The following E2F8 variants were observed in gnomAD, a reference collection of about 807,000 sequenced individuals.
E2F8 encodes the protein transcription factor E2F8.
In E2F8, 35 loss-of-function variants were observed where a neutral mutation model predicts 80.8. The ratio of observed to expected loss-of-function variants is 0.43; its 90% CI spans 0.33 to 0.57. The LOEUF is 0.57. Ranked by LOEUF, E2F8 falls within the 20% of genes least tolerant of loss-of-function variation. The probability of loss-of-function intolerance (pLI) is 0.04; values close to 1 mark genes in which losing one functional copy is unlikely to be tolerated. For synonymous variants in E2F8, 386 were observed against 395.0 expected, an observed-to-expected ratio of 0.98 and a Z score of 0.27; for missense variants, 975 against 1,056.2, an observed-to-expected ratio of 0.92 and a Z score of 1.07.
chr11:19,239,965 G>T (rs1305133714), intron 2 of E2F8, 142 bp downstream of exon 2: 8 of 455,462 alleles, frequency 1.8e-5, no homozygotes, highest in Non-Finnish European at 3.1e-5. Context: ...ATAAGATAAG[G>T]TTCATTTTTT....
Position 19,237,377 on chromosome 11 carries a change from G to C in E2F8, c.388C>G (p.Pro130Ala). 6.2e-7 allele frequency: 1 copy of C among 1,614,150 alleles called. No individual in the cohort carries two copies. The change falls in exon 4 of 13, where the codon CCT becomes GCT. Residue 130 changes from proline (P) to alanine (A), a missense_variant. Pro to Ala is a conservative substitution (Grantham distance 27, BLOSUM62 -1). Transcript: ENST00000250024. Reference protein sequence around the residue: ...LLCHKFLARYPNYPNPAVNND... With the variant: ...LLCHKFLARYANYPNPAVNND... ...TTCACAGCAGGGTTGGGATAATTAG[G>C]ATATCGTGCTAAGAACTTATGACAC...
rs1851343991 is a variant in E2F8 at position 19,230,308 on chromosome 11, C to T, written c.1291G>A (p.Ala431Thr). ...TGAGCCATTTTACTTGGGAAGGGTG[C>T]AGAATTCTGAGAACTCTCAGCTGGT... Reference protein sequence around the residue: ...TNKAESSQNSAPFPSKMAQLA... With the variant: ...TNKAESSQNSTPFPSKMAQLA... The change falls in exon 9 of 13, where the codon GCA becomes ACA. Residue 431 changes from alanine (A) to threonine (T), a missense_variant. Transcript: ENST00000250024. 6.2e-7 allele frequency: 1 copy of T among 1,613,794 alleles called. No homozygotes were observed. The highest frequency in any genetic ancestry group is 2.2e-5 in the East Asian group (1 of 44,892).
intron 4 of E2F8, among the ~76,000 whole-genome samples, chr11:19,237,036 C>CA (rs1414842453): frequency 6.6e-6 from 1 of 152,212 alleles, no homozygotes; most frequent in Non-Finnish European, 1.5e-5. Flanking sequence ...CTTTGTGAAA[C>CA]AAGTCATGAG....
intron 2 of E2F8, among the ~76,000 whole-genome samples, chr11:19,239,632 T>G (rs749569449): frequency 4.6e-5 from 7 of 151,968 alleles, no homozygotes; most frequent in Non-Finnish European, 1.0e-4. Flanking sequence ...ATGCCCTTTC[T>G]GAATTCCAAG....
intron 4 of E2F8, among the ~76,000 whole-genome samples, chr11:19,236,643 T>G (rs1021648354): frequency 2.6e-5 from 4 of 152,248 alleles, no homozygotes; most frequent in Non-Finnish European, 5.9e-5. Flanking sequence ...TACAAACATG[T>G]ATTAGAAGGG....
intron 6 of E2F8, among the ~76,000 whole-genome samples, 186 bp from the exon 7 acceptor site, chr11:19,232,557 T>G (rs7120696): frequency 0.016 from 2,384 of 152,282 alleles, 53 homozygotes; most frequent in African/African-American, 0.054. Context: ...TTTTAAATAT[T>G]TAAAAGACTC....
At chr11:19,230,859 T>A (rs1216184302) in intron 7 of E2F8, 25 bp from the exon 8 acceptor site, 1 of 1,610,514 alleles carries the variant, frequency 6.2e-7, no homozygotes, top group Non-Finnish European at 8.5e-7. Context: ...GTCTGTGTAT[T>A]AAAACCTGGA....
chr11:19,225,011 A>C, intron 12 of E2F8, 171 bp from the exon 13 acceptor site: 1 of 1,111,438 alleles, frequency 9.0e-7, no homozygotes, highest in Non-Finnish European at 1.3e-6. Context: ...TATTTTTGTT[A>C]GGGGAGAGAC....
At chr11:19,231,040 G>A (rs2133564583) in intron 7 of E2F8, among the ~76,000 whole-genome samples, 1 of 152,288 alleles carries the variant, frequency 6.6e-6, no homozygotes, top group Middle Eastern at 3.4e-3. Flanking sequence ...TAGCATTTCT[G>A]AAACTGCACT....
At position 19,234,512 on chromosome 11, in the gene E2F8, T is replaced by C; in HGVS notation, c.776A>G (p.Asn259Ser). Reference sequence around the variant, plus strand: ...CCTTAAAGACTTGTCTTTGCGGCTGTTTACAGAAGCTTTAGAGAAGGATGA... The same window carrying C: ...CCTTAAAGACTTGTCTTTGCGGCTGCTTACAGAAGCTTTAGAGAAGGATGA... ...PGVEFRAASV[N>S]SRKDKSLRVM... Residue 259 changes from asparagine to serine, a missense_variant, in exon 6 of 13, where the codon AAC becomes AGC. By Grantham distance (46) the Asn-to-Ser change is conservative. Transcript: ENST00000250024. 6.2e-7 allele frequency: 1 copy of C among 1,613,666 alleles called. No individual in the cohort carries two copies. Among genetic ancestry groups the C allele is most frequent in the Non-Finnish European group, 8.5e-7 (1 of 1,179,924 alleles).
Position 19,237,400 on chromosome 11 carries a change from C to T in E2F8, c.365G>A (p.Cys122Tyr). ...AGGATATCGTGCTAAGAACTTATGA[C>T]ACAATAATCCTAAACTTTTCTCTTT... is the stretch of plus-strand genomic sequence containing the variant. Reference protein sequence around the residue: ...SRKEKSLGLLCHKFLARYPNY... With the variant: ...SRKEKSLGLLYHKFLARYPNY... Residue 122 changes from cysteine to tyrosine, a missense_variant, in exon 4 of 13, where the codon TGT becomes TAT. Transcript: ENST00000250024. The T allele has an allele frequency of 6.2e-7, 1 of 1,614,124 alleles. No homozygotes were observed. The highest frequency in any genetic ancestry group is 8.5e-7 in the Non-Finnish European group (1 of 1,179,968).
In E2F8 at chr11:19,232,214, T is replaced by A. The variant is rs777368145; in HGVS notation, c.1066+20A>T. 1 of 1,609,424 alleles carries A rather than the reference T, an allele frequency of 6.2e-7. No homozygotes were observed. Among genetic ancestry groups the A allele is most frequent in the Non-Finnish European group, 8.5e-7 (1 of 1,178,406 alleles). ...CACACACAAATAATAAAGCAGAGGGTGAAAGAAAAAAATACATACCACTGG... is the reference window on the plus strand; with the variant it reads ...CACACACAAATAATAAAGCAGAGGGAGAAAGAAAAAAATACATACCACTGG... On this transcript the variant is annotated intron_variant, in intron 7 of 12. Coordinates refer to ENST00000250024, the MANE Select transcript of E2F8 (RefSeq NM_024680.4).
At position 19,238,039 on chromosome 11, in the gene E2F8, G is replaced by T; in HGVS notation, c.109C>A (p.Pro37Thr). 1.9e-6 allele frequency: 3 copies of T among 1,614,198 alleles called. No individual in the cohort carries two copies. The African/African-American group carries it at 4.0e-5, about 22-fold the overall frequency. The change falls in exon 3 of 13, where the codon CCT becomes ACT. Residue 37 changes from proline to threonine, a missense_variant. Physicochemically the swap from Pro to Thr is conservative, Grantham distance 38 (BLOSUM62 -1). Coordinates refer to ENST00000250024, the MANE Select transcript of E2F8 (RefSeq NM_024680.4). ...TANIVLAEIQPDFGPLTTPTK... is the reference protein window; with the variant it reads ...TANIVLAEIQTDFGPLTTPTK... The stretch of plus-strand genomic sequence containing the variant: ...GGTGTGGTTAAAGGGCCAAAGTCAG[G>T]CTGGATCTCTGCCAACACGATATTT...
chr11:19,225,847 T>C lies in E2F8; in HGVS notation c.1911A>G (p.Gly637=), dbSNP rs1040692431. The C allele has an allele frequency of 2.5e-6, 4 of 1,613,942 alleles. No homozygotes were observed. Among genetic ancestry groups the C allele is most frequent in the Non-Finnish European group, 3.4e-6 (4 of 1,180,012 alleles). The change falls in exon 11 of 13, where the codon GGA becomes GGG. Residue 637 remains glycine (G), a synonymous_variant. Coordinates refer to ENST00000250024, the MANE Select transcript of E2F8 (RefSeq NM_024680.4). ...AGCACTGCGTGAGAGGGATTAGGTA[T>C]CCTGATGGGAACAAGGTCTAGAAAA... The part of the protein sequence containing the change: ...ENVSATLFPS[G]YLIPLTQCSS...
intron 7 of E2F8, among the ~76,000 whole-genome samples, chr11:19,231,374 T>C (rs991531138): frequency 1.2e-4 from 19 of 152,220 alleles, no homozygotes; most frequent in African/African-American, 2.7e-4. Context: ...TCTGAGATTA[T>C]ACCAAAATCA....
intron 10 of E2F8, chr11:19,226,145 T>C: frequency 2.5e-6 from 1 of 396,192 alleles, no homozygotes; most frequent in Non-Finnish European, 4.6e-6. Context: ...GGGGTAAGGA[T>C]TCATCCAGCA....
chr11:19,238,203 A>G, intron 2 of E2F8, 71 bp from the exon 3 acceptor site: 1 of 1,458,916 alleles, frequency 6.9e-7, no homozygotes, highest in Non-Finnish European at 9.2e-7. Context: ...GATTCTAGAA[A>G]TTGCATAACG....
At chr11:19,225,011 A>G in intron 12 of E2F8, 171 bp from the exon 13 acceptor site, 1 of 1,111,436 alleles carries the variant, frequency 9.0e-7, no homozygotes, top group Non-Finnish European at 1.3e-6. Context: ...TATTTTTGTT[A>G]GGGGAGAGAC....
At chr11:19,241,320 G>GGCCGCCGCC (rs537182589), upstream of E2F8, 111 of 155,910 alleles carry the variant, frequency 7.1e-4, 2 homozygotes, top group Non-Finnish European at 1.1e-3. The surrounding 1 kb of genome is among the most constrained non-coding windows in gnomAD (Gnocchi z 4.5). Flanking sequence ...GGCGGGAAAC[G>GGCCGCCGCC]GCCGCCGCCG....
Sources: gnomAD v4.1 joint callset for allele counts (sites outside exome capture counted in the v4.1 genomes callset) on GRCh38, gnomAD v4.1.1 for gene constraint, Gnocchi (gnomAD v3.1) non-coding constraint, MANE v1.5 for transcripts, NCBI Gene and HGNC (gene_info 2026-07-23, HGNC 2026-07-21) for gene names.